Variants in SPATA31C1 observed in about 807,000 individuals in gnomAD.
SPATA31C1 encodes the protein SPATA31 subfamily C member 1, also known as spermatogenesis-associated protein 31C1.
chr9:87,919,162 G>T (rs1295766209), intron 2 of SPATA31C1, 93 bp from the exon 2 acceptor site: 1 of 1,565,128 alleles, frequency 6.4e-7, no homozygotes, highest in Non-Finnish European at 8.7e-7. Context: ...GAGCAAGACA[G>T]ACAGAGCCAT....
chr9:87,920,756 C>T (rs779200175), exon 5 of SPATA31C1: 10 of 1,613,832 alleles, frequency 6.2e-6, no homozygotes, highest in South Asian at 1.1e-5. Flanking sequence ...CAGGCCTTGG[C>T]GGCTCAAACA....
chr9:87,922,282 G>C lies in SPATA31C1; in HGVS notation n.2672G>C, dbSNP rs780947183. Reference sequence around the variant, plus strand: ...AAAGGCAGCACCCAGCAGAGCAGGAGCTTAGGAGCCCAATCTTCAAGGGCT... The same window carrying C: ...AAAGGCAGCACCCAGCAGAGCAGGACCTTAGGAGCCCAATCTTCAAGGGCT... On this transcript the variant is annotated non_coding_transcript_exon_variant, in exon 5 of 5. Transcript: ENST00000420021. 3.1e-6 allele frequency: 5 copies of C among 1,612,426 alleles called. No individual in the cohort carries two copies. The South Asian group carries it at 4.4e-5, about 14-fold the overall frequency.
chr9:87,923,249 G>A, exon 5 of SPATA31C1: 1 of 1,603,516 alleles, frequency 6.2e-7, no homozygotes, highest in Non-Finnish European at 8.5e-7. Context: ...GCAGAATGCT[G>A]AGCTATGCAG....
chr9:87,919,721 T>TG (rs1351203774), intron 3 of SPATA31C1, among the ~76,000 whole-genome samples, 195 bp from the exon 3 acceptor site: 1 of 113,860 alleles, frequency 8.8e-6, no homozygotes, highest in Non-Finnish European at 1.9e-5. Context: ...AGGGTCTGTG[T>TG]GTGGAAGCCC....
At chr9:87,922,428 T>C (rs1828899027) in exon 5 of SPATA31C1, 1 of 1,610,188 alleles carries the variant, frequency 6.2e-7, no homozygotes, top group Admixed American at 1.7e-5. Context: ...CAGCAAAAGC[T>C]CTCTACTCCC....
intron 1 of SPATA31C1, among the ~76,000 whole-genome samples, chr9:87,916,237 G>A (rs1168194588): frequency 7.5e-6 from 1 of 132,768 alleles, no homozygotes; most frequent in Non-Finnish European, 1.6e-5. Context: ...TGAAGATGGA[G>A]GAAGACTCCA....
At chr9:87,920,130 G>C in intron 4 of SPATA31C1, 122 bp from the exon 4 acceptor site, 1 of 1,599,280 alleles carries the variant, frequency 6.3e-7, no homozygotes, top group Non-Finnish European at 8.5e-7. Flanking sequence ...AGAATTGGGT[G>C]GTCAGGGTGT....
chr9:87,920,278 G>T, exon 5 of SPATA31C1: 1 of 1,613,782 alleles, frequency 6.2e-7, no homozygotes, highest in Non-Finnish European at 8.5e-7. Flanking sequence ...CTTGAAAAAG[G>T]TGACTTTGGT....
chr9:87,916,947 A>AG (rs1379254508), intron 1 of SPATA31C1, among the ~76,000 whole-genome samples: 6 of 66,438 alleles, frequency 9.0e-5, no homozygotes, highest in African/African-American at 1.3e-4. Context: ...CAGTGAGCCA[A>AG]GAGCGTGCCA....
chr9:87,915,654 C>G (rs541458168), intron 1 of SPATA31C1, among the ~76,000 whole-genome samples: 2 of 143,520 alleles, frequency 1.4e-5, no homozygotes, highest in East Asian at 4.2e-4. Context: ...ATTGTTTTGT[C>G]TATGGTATCT....
intron 2 of SPATA31C1, 44 bp from the exon 2 acceptor site, chr9:87,919,211 G>A: frequency 6.3e-7 from 1 of 1,599,594 alleles, no homozygotes; most frequent in East Asian, 2.3e-5. Context: ...TGGGGGCAGA[G>A]AGGGAGAGCC....
rs754063004 is a variant in SPATA31C1, at chr9:87,921,869, C to T, written n.2259C>T. 5 of 1,612,022 alleles carry T rather than the reference C, an allele frequency of 3.1e-6. No homozygotes were observed. In the South Asian group the frequency reaches 5.5e-5, roughly 18 times the overall value. On this transcript the variant is annotated non_coding_transcript_exon_variant, in exon 5 of 5. Coordinates refer to ENST00000420021, the Ensembl canonical transcript of SPATA31C1. ...TGTGTACTCAGCAGGTGCTGGAAGC[C>T]CATATTGTGAGGTTTTGGGCCAAAC...
At chr9:87,919,119 G>A (rs536764218) in intron 2 of SPATA31C1, 136 bp from the exon 2 acceptor site, 3 of 1,334,844 alleles carry the variant, frequency 2.2e-6, no homozygotes, top group Non-Finnish European at 3.1e-6. Flanking sequence ...ATTTAAACAT[G>A]AGTGGGAGGG....
rs766302512 is a variant in SPATA31C1, at chr9:87,920,786, C to T, written n.1176C>T. ...CAAACAGTCAAGTTTCTGCCCTCTC[C>T]TGGTCGCAGGAGACTACCAAAACCT... On this transcript the variant is annotated non_coding_transcript_exon_variant, in exon 5 of 5. Transcript: ENST00000420021. The T allele has an allele frequency of 2.5e-6, 4 of 1,613,836 alleles. No homozygotes were observed. The African/African-American group carries it at 4.0e-5, about 16-fold the overall frequency.
At chr9:87,920,760 T>C in exon 5 of SPATA31C1, 1 of 1,613,958 alleles carries the variant, frequency 6.2e-7, no homozygotes, top group Non-Finnish European at 8.5e-7. Context: ...CCTTGGCGGC[T>C]CAAACAGTCA....
chr9:87,922,595 T>C (rs780838342), exon 5 of SPATA31C1: 3 of 1,609,300 alleles, frequency 1.9e-6, no homozygotes, highest in East Asian at 2.2e-5. Flanking sequence ...TTGTGCCCCA[T>C]GCTTCAGAGA....
chr9:87,920,875 C>T (rs369669248), exon 5 of SPATA31C1: 18 of 1,613,334 alleles, frequency 1.1e-5, no homozygotes, highest in Non-Finnish European at 1.5e-5. Context: ...ACCACAATGT[C>T]CCCACTGCTT....
At chr9:87,922,412 A>G in exon 5 of SPATA31C1, 1 of 1,610,260 alleles carries the variant, frequency 6.2e-7, no homozygotes, top group East Asian at 2.2e-5. Context: ...TCAAGGCTCC[A>G]GGCGCCAGCA....
chr9:87,920,181 C>T, intron 4 of SPATA31C1, 71 bp from the exon 4 acceptor site: 1 of 1,603,268 alleles, frequency 6.2e-7, no homozygotes, highest in Non-Finnish European at 8.5e-7. Flanking sequence ...GGGGCTGTGG[C>T]CCAAGCGCCC....
Sources: gnomAD v4.1 joint callset for allele counts (sites outside exome capture counted in the v4.1 genomes callset) on GRCh38, gnomAD v4.1.1 for gene constraint, MANE v1.5 for transcripts, NCBI Gene and HGNC (gene_info 2026-07-23, HGNC 2026-07-21) for gene names.